Variants in FAM135A observed in about 807,000 individuals in gnomAD.
FAM135A encodes family with sequence similarity 135 member A.
Under a neutral mutation model 146.8 loss-of-function variants are expected in FAM135A, and 79 were observed. The ratio of observed to expected loss-of-function variants is 0.54; its 90% confidence interval spans 0.45 to 0.65. The LOEUF (loss-of-function observed/expected upper bound fraction) is 0.65. Among genes scored for constraint, FAM135A ranks in the 30% least tolerant of loss-of-function variants. The pLI, the probability that FAM135A is intolerant of heterozygous loss-of-function variation, is 0.00. For synonymous variants in FAM135A, 562 were observed against 603.6 expected, an observed-to-expected ratio of 0.93 and a Z score of 1.01; for missense variants, 1,623 against 1,758.2, an observed-to-expected ratio of 0.92 and a Z score of 1.38.
intron 11 of FAM135A, among the ~76,000 whole-genome samples, chr6:70,496,987 G>A (rs775280438): frequency 7.2e-5 from 11 of 151,914 alleles, no homozygotes; most frequent in African/African-American, 1.7e-4. Flanking sequence ...TTGGCTATAC[G>A]GTCTCTTTTT....
chr6:70,488,680 T>A (rs1489335464), intron 10 of FAM135A, among the ~76,000 whole-genome samples: 2 of 152,150 alleles, frequency 1.3e-5, no homozygotes, highest in Non-Finnish European at 2.9e-5. Context: ...AACAGTTGAT[T>A]AATACATAAA....
intron 11 of FAM135A, among the ~76,000 whole-genome samples, chr6:70,494,965 A>G (rs1171067243): frequency 1.3e-5 from 2 of 152,134 alleles, no homozygotes; most frequent in Non-Finnish European, 2.9e-5. Context: ...TCTTTTTCTA[A>G]ACTCCATTAA....
In FAM135A at chr6:70,525,937, C is replaced by T. The variant is rs759652335; in HGVS notation, c.2853C>T (p.Phe951=). 6.2e-7 allele frequency: 1 copy of T among 1,613,408 alleles called. No individual in the cohort carries two copies. Among genetic ancestry groups the T allele is most frequent in the Non-Finnish European group, 8.5e-7 (1 of 1,179,606 alleles). The stretch of plus-strand genomic sequence containing the variant: ...ACTTGGATACTATGTGTAAAGGCTT[C>T]CAGAGTCCTGATAAATCTAATAACT... ...KPNLDTMCKG[F]QSPDKSNNST... The change falls in exon 15 of 22, where the codon TTC becomes TTT. Residue 951 remains phenylalanine (F), a synonymous_variant. Coordinates refer to ENST00000418814, the MANE Select transcript of FAM135A (RefSeq NM_001162529.3).
At chr6:70,530,575 G>A (rs1365434862) in intron 16 of FAM135A, among the ~76,000 whole-genome samples, 2 of 152,058 alleles carry the variant, frequency 1.3e-5, no homozygotes, top group East Asian at 3.9e-4. Flanking sequence ...TATATGAGAG[G>A]AATTCAGAAA....
intron 16 of FAM135A, among the ~76,000 whole-genome samples, chr6:70,531,499 T>G (rs1038363939): frequency 6.6e-6 from 1 of 152,194 alleles, no homozygotes; most frequent in African/African-American, 2.4e-5. Context: ...TGACACCCAT[T>G]GAGTGGAAAG....
intron 20 of FAM135A, among the ~76,000 whole-genome samples, chr6:70,552,482 T>C (rs1233280137): frequency 1.6e-4 from 24 of 148,976 alleles, no homozygotes; most frequent in African/African-American, 5.9e-4. Flanking sequence ...TTTTTTTTTT[T>C]TTTTGAGACG....
chr6:70,519,261 G>T (rs1043735190), intron 12 of FAM135A, among the ~76,000 whole-genome samples: 2 of 152,166 alleles, frequency 1.3e-5, no homozygotes, highest in Admixed American at 6.5e-5. Context: ...TGACTGAATG[G>T]CTGCAATCTC....
Position 70,482,128 on chromosome 6 carries a change from T to G in FAM135A, c.797T>G (p.Ile266Ser). 6.2e-7 allele frequency: 1 copy of G among 1,613,534 alleles called. No homozygotes were observed. Among genetic ancestry groups the G allele is most frequent in the South Asian group, 1.1e-5 (1 of 91,056 alleles). Residue 266 changes from isoleucine to serine, a missense_variant, in exon 10 of 22, where the codon ATT becomes AGT. This residue lies in a region of FAM135A where 206 missense variants were observed against 194.7 expected (regional missense o/e 1.06). Coordinates refer to ENST00000418814, the MANE Select transcript of FAM135A (RefSeq NM_001162529.3). ...TACTTCATTACAGTAACAGAAGAGA[T>G]TCCTTCTTGTCAGAAACTAGAACTG... is the stretch of plus-strand genomic sequence containing the variant. ...HSYFITVTEE[I>S]PSCQKLELEE... is the part of the protein sequence containing the mutation.
chr6:70,471,168 G>A (rs73478808), intron 5 of FAM135A, among the ~76,000 whole-genome samples: 7,038 of 152,282 alleles, frequency 0.046, 363 homozygotes, highest in African/African-American at 0.11. Flanking sequence ...GGGTACAAGT[G>A]TGGATTGGGC....
intron 18 of FAM135A, among the ~76,000 whole-genome samples, chr6:70,534,825 G>A (rs1360486920): frequency 1.3e-5 from 2 of 152,122 alleles, no homozygotes; most frequent in Non-Finnish European, 2.9e-5. Context: ...AAGCTTTTGG[G>A]CAGTTTGTTT....
intron 5 of FAM135A, among the ~76,000 whole-genome samples, chr6:70,460,524 T>C (rs1444382820): frequency 2.0e-5 from 3 of 152,220 alleles, no homozygotes; most frequent in Admixed American, 6.5e-5. Context: ...ATTTGCACTT[T>C]GGTGGTAACA....
intron 2 of FAM135A, among the ~76,000 whole-genome samples, chr6:70,418,673 T>C: frequency 6.6e-6 from 1 of 152,250 alleles, no homozygotes; most frequent in Non-Finnish European, 1.5e-5. Context: ...GTTTAGTCTC[T>C]GTAAGAGGGA....
intron 16 of FAM135A, among the ~76,000 whole-genome samples, chr6:70,531,631 T>A (rs1011113318): frequency 1.3e-5 from 2 of 152,214 alleles, no homozygotes; most frequent in African/African-American, 2.4e-5. Context: ...ATGAACAAAA[T>A]GAAGTTTTTC....
intron 5 of FAM135A, among the ~76,000 whole-genome samples, chr6:70,470,072 T>C (rs1000454250): frequency 6.6e-6 from 1 of 152,140 alleles, no homozygotes; most frequent in African/African-American, 2.4e-5. Context: ...AGTATCTATG[T>C]TAGATACTGA....
intron 12 of FAM135A, among the ~76,000 whole-genome samples, chr6:70,507,968 T>C (rs561691442): frequency 4.6e-5 from 7 of 152,174 alleles, no homozygotes; most frequent in South Asian, 4.1e-4. Context: ...TAGCCTACCA[T>C]AGATTGATTC....
At chr6:70,447,669 T>C (rs921587353) in intron 4 of FAM135A, among the ~76,000 whole-genome samples, 4 of 152,386 alleles carry the variant, frequency 2.6e-5, no homozygotes, top group African/African-American at 9.6e-5. Context: ...GGGCCCCTCA[T>C]GGCGTTTCCC....
intron 4 of FAM135A, among the ~76,000 whole-genome samples, chr6:70,442,068 T>C (rs1774635368): frequency 6.6e-6 from 1 of 152,198 alleles, no homozygotes; most frequent in African/African-American, 2.4e-5. Context: ...ATTTTACTTT[T>C]TTAATTTTAT....
Position 70,560,069 on chromosome 6 carries a change from CTTTTTAA to C in FAM135A, c.*149_*155del. The C allele has an allele frequency of 1.6e-6, 1 of 607,344 alleles. No individual in the cohort carries two copies. The highest frequency in any genetic ancestry group is 2.7e-6 in the Non-Finnish European group (1 of 374,250). 37.6% of individuals were successfully genotyped at this position (607,344 alleles called of 1,614,324 possible). ...TAATTTATATCATCCATGTTTAGTG[CTTTTTAA>C]ACATCAACTTTACTTTCTAGGTAAT... On this transcript the variant is annotated 3_prime_UTR_variant, in exon 22 of 22. Transcript: ENST00000418814.
rs539421397 is a variant in FAM135A, at chr6:70,450,436, A to G, written c.78-2056A>G. On this transcript the variant is annotated intron_variant, in intron 4 of 21. Coordinates refer to ENST00000418814, the MANE Select transcript of FAM135A (RefSeq NM_001162529.3). ...ATAAATCTTTAATCCATTTGAGTTGATTTTGTATATGGTATGAGATAAGGA... is the reference window on the plus strand; with the variant it reads ...ATAAATCTTTAATCCATTTGAGTTGGTTTTGTATATGGTATGAGATAAGGA... Among the ~76,000 whole-genome samples, 9 of 152,086 alleles carry G rather than the reference A, an allele frequency of 5.9e-5. No homozygotes were observed. In the South Asian group the frequency reaches 1.9e-3, roughly 32 times the overall value.
Sources: gnomAD v4.1 joint callset for allele counts (sites outside exome capture counted in the v4.1 genomes callset) on GRCh38, gnomAD v4.1.1 for gene constraint, gnomAD v4.1.1 regional missense constraint, MANE v1.5 for transcripts, NCBI Gene and HGNC (gene_info 2026-07-23, HGNC 2026-07-21) for gene names.